CACNA2D3: variants seen among roughly 807,000 people sequenced by gnomAD.
CACNA2D3 encodes calcium voltage-gated channel auxiliary subunit alpha2delta 3, also known as voltage-dependent calcium channel subunit alpha-2/delta-3.
In CACNA2D3, 60 loss-of-function variants were observed where a neutral mutation model predicts 160.6. The ratio of observed to expected loss-of-function variants is 0.37; its 90% CI spans 0.30 to 0.46. The LOEUF (loss-of-function observed/expected upper bound fraction) is 0.46, where lower values mean the gene tolerates loss of function less well. Ranked by LOEUF, CACNA2D3 falls within the 20% of genes least tolerant of loss-of-function variation. The probability of loss-of-function intolerance (pLI) is 1.00; values close to 1 mark genes in which losing one functional copy is unlikely to be tolerated. For synonymous variants in CACNA2D3, 558 were observed against 492.9 expected (o/e 1.13, Z -1.75); for missense variants, 1,205 against 1,365.0 (o/e 0.88, Z 1.85).
intron 27 of CACNA2D3, among the ~76,000 whole-genome samples, chr3:54,921,737 G>A (rs548351944): frequency 6.6e-6 from 1 of 152,078 alleles, no homozygotes; most frequent in African/African-American, 2.4e-5. Flanking sequence ...TCACAAGCTC[G>A]AGGGGTCTTA....
At chr3:54,299,024 G>T (rs965823214) in intron 2 of CACNA2D3, among the ~76,000 whole-genome samples, 1 of 151,078 alleles carries the variant, frequency 6.6e-6, no homozygotes, top group African/African-American at 2.4e-5. Flanking sequence ...TTCCATTTGG[G>T]TCTGGATCCA....
At chr3:54,767,881 ATC>A (rs1275189443) in intron 13 of CACNA2D3, among the ~76,000 whole-genome samples, 4,814 of 152,272 alleles carry the variant, frequency 0.032, 233 homozygotes, top group African/African-American at 0.11. Context: ...TAAAACAGAA[ATC>A]CACATGTCCT....
intron 35 of CACNA2D3, among the ~76,000 whole-genome samples, chr3:55,071,396 C>T (rs1704802210): frequency 6.6e-6 from 1 of 152,154 alleles, no homozygotes; most frequent in Non-Finnish European, 1.5e-5. Context: ...TTTAATTTCT[C>T]ATGCTATCCA....
chr3:54,868,989 C>A (rs1389094790), intron 17 of CACNA2D3, among the ~76,000 whole-genome samples: 3 of 152,060 alleles, frequency 2.0e-5, no homozygotes, highest in Admixed American at 6.6e-5. Context: ...TTGTTTTTAC[C>A]CATTTTGTAA....
intron 3 of CACNA2D3, among the ~76,000 whole-genome samples, chr3:54,331,514 T>C (rs1039270075): frequency 6.6e-6 from 1 of 152,226 alleles, no homozygotes; most frequent in African/African-American, 2.4e-5. Flanking sequence ...ATCATTGATA[T>C]CATCTCTGTT....
intron 2 of CACNA2D3, among the ~76,000 whole-genome samples, chr3:54,235,647 A>C (rs1245007993): frequency 6.6e-6 from 1 of 152,266 alleles, no homozygotes; most frequent in Non-Finnish European, 1.5e-5. Context: ...GTGGGGACAC[A>C]GCTACAAACC....
chr3:54,613,474 G>A (rs568582079), intron 9 of CACNA2D3, among the ~76,000 whole-genome samples: 1 of 152,272 alleles, frequency 6.6e-6, no homozygotes, highest in East Asian at 1.9e-4. Context: ...ATGGCCCTGG[G>A]CCTCTCTTGC....
intron 32 of CACNA2D3, among the ~76,000 whole-genome samples, chr3:55,006,608 T>G (rs182000336): frequency 6.6e-6 from 1 of 152,304 alleles, no homozygotes; most frequent in East Asian, 1.9e-4. Context: ...AACACTGTGA[T>G]TCAAGGAATG....
At chr3:55,023,207 CCT>C (rs1207751139) in intron 35 of CACNA2D3, among the ~76,000 whole-genome samples, 2 of 152,084 alleles carry the variant, frequency 1.3e-5, no homozygotes, top group Non-Finnish European at 2.9e-5. Flanking sequence ...GGTAGTCTGA[CCT>C]CTCCCCCGTT....
chr3:54,149,930 T>TCTCTCTCC (rs1559863338), intron 2 of CACNA2D3, among the ~76,000 whole-genome samples: 7 of 40,428 alleles, frequency 1.7e-4, no homozygotes, highest in Non-Finnish European at 3.1e-4. Flanking sequence ...TCTCTCTCTC[T>TCTCTCTCC]CCCTCCCTCC....
intron 11 of CACNA2D3, among the ~76,000 whole-genome samples, chr3:54,688,778 G>A (rs772224926): frequency 2.0e-5 from 3 of 150,996 alleles, no homozygotes; most frequent in South Asian, 2.1e-4. Context: ...CAAGGTGGGC[G>A]GATCTCAAGG....
At chr3:54,600,259 T>TC (rs1255938382) in intron 9 of CACNA2D3, among the ~76,000 whole-genome samples, 1 of 152,182 alleles carries the variant, frequency 6.6e-6, no homozygotes, top group Non-Finnish European at 1.5e-5. Flanking sequence ...TTTCCCTCAC[T>TC]CTGGGTCATG....
intron 13 of CACNA2D3, among the ~76,000 whole-genome samples, chr3:54,772,220 T>G (rs1251584425): frequency 6.6e-6 from 1 of 150,786 alleles, no homozygotes; most frequent in Non-Finnish European, 1.5e-5. Context: ...TCTCTGTAAT[T>G]ATCTGGGTAG....
chr3:54,638,367 C>T (rs1445070271), intron 10 of CACNA2D3: 1 of 151,902 alleles, frequency 6.6e-6, no homozygotes, highest in Non-Finnish European at 1.5e-5. Context: ...GCGTTTAGCT[C>T]CAGCCACCTT....
At chr3:54,853,256 A>T (rs1458055511) in intron 17 of CACNA2D3, among the ~76,000 whole-genome samples, 1 of 152,052 alleles carries the variant, frequency 6.6e-6, no homozygotes, top group African/African-American at 2.4e-5. Flanking sequence ...TCTATTGTTT[A>T]ACTTCTCCCC....
chr3:54,444,916 G>A (rs1378650492), intron 4 of CACNA2D3, among the ~76,000 whole-genome samples: 1 of 152,234 alleles, frequency 6.6e-6, no homozygotes, highest in East Asian at 1.9e-4. Context: ...CTTTGCAAGT[G>A]CAGCTAAAAT....
At chr3:55,035,693 G>T (rs3773550) in intron 35 of CACNA2D3, among the ~76,000 whole-genome samples, 1 of 152,028 alleles carries the variant, frequency 6.6e-6, no homozygotes, top group Non-Finnish European at 1.5e-5. Context: ...ATCAAGCTCC[G>T]AAAATTGAAT....
chr3:54,686,338 T>C (rs1250847360), intron 11 of CACNA2D3, among the ~76,000 whole-genome samples: 1 of 152,220 alleles, frequency 6.6e-6, no homozygotes, highest in African/African-American at 2.4e-5. Context: ...AACAACCTCT[T>C]CAATAGTACT....
At chr3:54,949,701 C>A (rs1329496611) in intron 27 of CACNA2D3, among the ~76,000 whole-genome samples, 1 of 152,164 alleles carries the variant, frequency 6.6e-6, no homozygotes, top group Non-Finnish European at 1.5e-5. Context: ...TGGTCAGGGC[C>A]TCAGAAAAAT....
Sources: allele counts gnomAD v4.1 joint callset (sites outside exome capture counted in the v4.1 genomes callset), GRCh38; gene constraint gnomAD v4.1.1; transcripts MANE v1.5; gene names NCBI Gene and HGNC (gene_info 2026-07-23, HGNC 2026-07-21).